Variants in SGCD observed in about 807,000 individuals in gnomAD.
SGCD encodes the protein sarcoglycan delta, also known as delta-sarcoglycan.
SGCD carries 18 observed loss-of-function variants against 36.6 expected under a neutral mutation model. The ratio of observed to expected loss-of-function variants is 0.49; its 90% CI spans 0.34 to 0.73. SGCD has a LOEUF of 0.73. SGCD is among the 30% of genes least tolerant of loss of function. The pLI is 0.01. For missense variants in SGCD, 387 were observed against 346.7 expected, an observed-to-expected ratio of 1.12 and a Z score of -0.92; for synonymous variants, 133 against 130.6, an observed-to-expected ratio of 1.02 and a Z score of -0.12.
At chr5:155,836,375 C>G in the SGCD span, among the ~76,000 whole-genome samples, 1 of 152,132 alleles carries the variant, frequency 6.6e-6, no homozygotes, top group Non-Finnish European at 1.5e-5. Flanking sequence ...GATATGTAGA[C>G]TTTCTTCCTT....
At chr5:156,330,607 C>A (rs1580829123) in intron 2 of SGCD, among the ~76,000 whole-genome samples, 1 of 152,166 alleles carries the variant, frequency 6.6e-6, no homozygotes, top group Non-Finnish European at 1.5e-5. Context: ...TTTCTTTACT[C>A]TTCTTTGAAC....
At chr5:155,976,985 G>A (rs1758128514) in intron 1 of SGCD, among the ~76,000 whole-genome samples, 1 of 151,972 alleles carries the variant, frequency 6.6e-6, no homozygotes, top group African/African-American at 2.4e-5. Flanking sequence ...CCCTCCCCTG[G>A]GCTTCACAGT....
intron 3 of SGCD, among the ~76,000 whole-genome samples, chr5:156,213,011 G>A (rs1459113931): frequency 6.6e-6 from 1 of 151,634 alleles, no homozygotes; most frequent in Non-Finnish European, 1.5e-5. Context: ...AATTTAATAG[G>A]GAAGTTTATA....
chr5:156,254,287 A>G (rs1238960840), intron 3 of SGCD, among the ~76,000 whole-genome samples: 2 of 152,190 alleles, frequency 1.3e-5, no homozygotes, highest in African/African-American at 4.8e-5. Context: ...ACTTAGTTAC[A>G]TATGTATACA....
In SGCD at chr5:156,533,425, A is replaced by G. The variant is rs139116256; in HGVS notation, c.294+24723A>G. Among the ~76,000 whole-genome samples the G allele has an allele frequency of 5.2e-3, 789 of 152,330 alleles. 10 individuals are homozygous for G. The highest frequency in any genetic ancestry group is 0.018 in the African/African-American group (750 of 41,568). On this transcript the variant is annotated intron_variant, in intron 4 of 8. Transcript: ENST00000337851. ...GAAAAAATGCCATGATATTCTAAGG[A>G]TAATATGCTCTATAGATATGTTTTC...
the SGCD span, among the ~76,000 whole-genome samples, chr5:155,807,118 C>T: frequency 2.7e-3 from 406 of 152,278 alleles, 7 homozygotes; most frequent in African/African-American, 9.4e-3. Context: ...CCTACAAGGA[C>T]ATTTCTTTTT....
intron 3 of SGCD, among the ~76,000 whole-genome samples, chr5:156,403,643 G>C (rs1180587772): frequency 6.6e-6 from 1 of 151,996 alleles, no homozygotes; most frequent in African/African-American, 2.4e-5. Context: ...CTAGAATTGG[G>C]GTCCCTCATG....
upstream of SGCD, among the ~76,000 whole-genome samples, chr5:156,323,661 ACTT>A (rs1408882652): frequency 6.6e-6 from 1 of 152,196 alleles, no homozygotes; most frequent in Admixed American, 6.5e-5. Flanking sequence ...TTTTTAACCG[ACTT>A]CTGTGATTAG....
intron 1 of SGCD, among the ~76,000 whole-genome samples, chr5:155,892,587 A>T (rs1380488545): frequency 6.6e-6 from 1 of 151,822 alleles, no homozygotes; most frequent in Non-Finnish European, 1.5e-5. Context: ...GGGAATGCAG[A>T]TCTTATAGTA....
chr5:156,385,958 C>T (rs548795770), intron 3 of SGCD, among the ~76,000 whole-genome samples: 2 of 152,294 alleles, frequency 1.3e-5, no homozygotes, highest in East Asian at 3.9e-4. Context: ...GAAAAGTAAA[C>T]ATTTTGCCCC....
chr5:156,695,807 C>G (rs1375013527), intron 7 of SGCD, among the ~76,000 whole-genome samples: 2 of 152,210 alleles, frequency 1.3e-5, no homozygotes, highest in African/African-American at 4.8e-5. Context: ...CTGTAACAAA[C>G]AGCATAGCTG....
intron 2 of SGCD, among the ~76,000 whole-genome samples, chr5:156,340,689 C>T (rs573658826): frequency 6.6e-6 from 1 of 152,306 alleles, no homozygotes; most frequent in South Asian, 2.1e-4. Context: ...TCATGATTTA[C>T]TGGGGCCTCT....
the SGCD span, among the ~76,000 whole-genome samples, chr5:155,856,298 C>T: frequency 3.7e-4 from 57 of 152,034 alleles, 1 homozygote; most frequent in South Asian, 7.3e-3. Context: ...AAAACATTGA[C>T]CCAAAAAATG....
chr5:156,315,667 T>C (rs187085686), intron 3 of SGCD, among the ~76,000 whole-genome samples: 521 of 152,102 alleles, frequency 3.4e-3, no homozygotes, highest in African/African-American at 0.012. Context: ...CAATTTACTT[T>C]CCCATCAGCA....
intron 3 of SGCD, among the ~76,000 whole-genome samples, chr5:156,299,367 G>C (rs973382353): frequency 6.6e-6 from 1 of 151,922 alleles, no homozygotes; most frequent in Non-Finnish European, 1.5e-5. Flanking sequence ...TTGAAGTCAG[G>C]TTCTTATGGT....
At chr5:156,140,768 A>T (rs187179094) in intron 3 of SGCD, among the ~76,000 whole-genome samples, 1 of 152,350 alleles carries the variant, frequency 6.6e-6, no homozygotes, top group East Asian at 1.9e-4. Flanking sequence ...CATGTTTAGG[A>T]GAGAAAACCA....
At position 156,485,389 on chromosome 5, in the gene SGCD, G is replaced by A. The variant is rs185353982; in HGVS notation, c.193-23212G>A. ...TTCAAAATGGCTGTGTGGGCCATGC[G>A]TGGTGGCTCACACCTGTAATCCTAG... On this transcript the variant is annotated intron_variant, in intron 3 of 8. Transcript: ENST00000337851. 2.9e-3 allele frequency among the ~76,000 whole-genome samples: 446 copies of A among 152,298 alleles called. 5 individuals are homozygous for A. Among genetic ancestry groups the A allele is most frequent in the African/African-American group, 9.2e-3 (383 of 41,564 alleles).
At chr5:156,717,732 C>T (rs1243040417) in intron 7 of SGCD, among the ~76,000 whole-genome samples, 1 of 152,172 alleles carries the variant, frequency 6.6e-6, no homozygotes, top group East Asian at 1.9e-4. Context: ...AGGTGCCAGA[C>T]AACTGGGGAC....
intron 1 of SGCD, among the ~76,000 whole-genome samples, chr5:156,105,783 T>A (rs1030658): frequency 0.43 from 65,199 of 151,864 alleles, 14,525 homozygotes; most frequent in African/African-American, 0.53. Context: ...CTGAGGAATG[T>A]TCTCTCCTTT....
Sources: gnomAD v4.1 joint callset for allele counts (sites outside exome capture counted in the v4.1 genomes callset) on GRCh38, gnomAD v4.1.1 for gene constraint, MANE v1.5 for transcripts, NCBI Gene and HGNC (gene_info 2026-07-23, HGNC 2026-07-21) for gene names.